The following TAFA5 variants were observed in gnomAD, a reference collection of about 807,000 sequenced individuals.
The protein encoded by TAFA5 is TAFA chemokine like family member 5.
TAFA5 carries 6 observed loss-of-function variants against 15.3 expected under a neutral mutation model. The ratio of observed to expected loss-of-function variants is 0.39; its 90% confidence interval spans 0.21 to 0.77. TAFA5 has a LOEUF of 0.77. TAFA5 is among the 30% of genes least tolerant of loss of function. The pLI is 0.41. For synonymous variants in TAFA5, 103 were observed against 80.7 expected (o/e 1.28, Z -1.48); for missense variants, 161 against 193.1 (o/e 0.83, Z 0.98).
rs189371701 is a variant in TAFA5 at position 48,707,924 on chromosome 22, G to A, written c.390+80G>A. The A allele has an allele frequency of 4.5e-3, 6,956 of 1,533,114 alleles. 52 individuals are homozygous for A. Among genetic ancestry groups the A allele is most frequent in the Non-Finnish European group, 5.3e-3 (5,973 of 1,135,876 alleles). The allele number at this position is 1,533,114 out of a possible 1,614,324, so 95.0% of individuals were successfully genotyped here. On this transcript the variant is annotated intron_variant, in intron 3 of 3. Coordinates refer to ENST00000402357, the MANE Select transcript of TAFA5 (RefSeq NM_001082967.3). ...GGGCCTCCGACGCCACCCGGGCTCC[G>A]CGGGGACAGGTGGCAGCTGCTCACT...
rs565868765 is a variant in TAFA5, at chr22:48,530,330, A to T, written c.112+40626A>T. On this transcript the variant is annotated intron_variant, in intron 1 of 3. Coordinates refer to ENST00000402357, the MANE Select transcript of TAFA5 (RefSeq NM_001082967.3). The surrounding 1 kb of genome is among the most constrained non-coding windows in gnomAD (Gnocchi z 6.0). Reference sequence around the variant, plus strand: ...CTGAAGTGCCTTTCTGAGAAAACACAGAGTGAAGGAACCTCTGGAGGGCAC... The same window carrying T: ...CTGAAGTGCCTTTCTGAGAAAACACTGAGTGAAGGAACCTCTGGAGGGCAC... Among the ~76,000 whole-genome samples, 7 of 152,300 alleles carry T rather than the reference A, an allele frequency of 4.6e-5. No individual in the cohort carries two copies. The South Asian group carries it at 1.5e-3, about 32-fold the overall frequency.
At chr22:48,584,912 AC>A (rs1924281626) in intron 1 of TAFA5, among the ~76,000 whole-genome samples, 2 of 149,218 alleles carry the variant, frequency 1.3e-5, no homozygotes, top group East Asian at 4.0e-4. Flanking sequence ...ACACACACAC[AC>A]CACACACACA....
intron 1 of TAFA5, among the ~76,000 whole-genome samples, chr22:48,610,539 A>T (rs1925363188): frequency 6.6e-6 from 1 of 151,252 alleles, no homozygotes; most frequent in Admixed American, 6.6e-5. Flanking sequence ...GGAGGAGCAG[A>T]GGGGCAGGCT....
At chr22:48,710,382 T>C (rs1043680973) in intron 3 of TAFA5, among the ~76,000 whole-genome samples, 1 of 152,138 alleles carries the variant, frequency 6.6e-6, no homozygotes, top group Non-Finnish European at 1.5e-5. Context: ...CCTCCCTGCC[T>C]CCTGCGTTCA....
Position 48,649,560 on chromosome 22 carries a change from G to C in TAFA5, c.262+2814G>C, listed in dbSNP as rs75809080. On this transcript the variant is annotated intron_variant, in intron 2 of 3. Transcript: ENST00000402357. ...CATCTGATTAAACACCAGGTACGCA[G>C]GGCCTCAGGGCTGCTCAGTGGCTCT... Among the ~76,000 whole-genome samples, 1,349 of 152,260 alleles carry C rather than the reference G, an allele frequency of 8.9e-3. 21 individuals are homozygous for C. The highest frequency in any genetic ancestry group is 0.031 in the African/African-American group (1,288 of 41,534).
intron 1 of TAFA5, among the ~76,000 whole-genome samples, chr22:48,525,180 C>T (rs1431911060): frequency 6.6e-6 from 1 of 152,166 alleles, no homozygotes; most frequent in African/African-American, 2.4e-5. Flanking sequence ...CGTCCCTTTG[C>T]CATGTAGGGT....
intron 1 of TAFA5, among the ~76,000 whole-genome samples, chr22:48,509,558 C>T (rs1025836037): frequency 5.3e-5 from 8 of 152,144 alleles, no homozygotes; most frequent in African/African-American, 1.9e-4. Context: ...ATTTGCATTT[C>T]TCTGGTGATT....
At chr22:48,527,140 A>C (rs1489213892) in intron 1 of TAFA5, among the ~76,000 whole-genome samples, 2 of 152,228 alleles carry the variant, frequency 1.3e-5, no homozygotes, top group Non-Finnish European at 2.9e-5. Context: ...CCCCTGGGCC[A>C]ATTGACCAGG....
chr22:48,680,544 A>G (rs1569076637), intron 2 of TAFA5, among the ~76,000 whole-genome samples: 1 of 152,042 alleles, frequency 6.6e-6, no homozygotes, highest in Non-Finnish European at 1.5e-5. Context: ...CCACAAACAC[A>G]GAGGATGGGG....
chr22:48,649,275 CCTGT>C (rs1250168650), intron 2 of TAFA5, among the ~76,000 whole-genome samples: 4 of 152,198 alleles, frequency 2.6e-5, no homozygotes, highest in Non-Finnish European at 4.4e-5. Context: ...AGCTGAGCCA[CCTGT>C]CTATCTTCCC....
intron 1 of TAFA5, among the ~76,000 whole-genome samples, chr22:48,534,392 G>C (rs947867481): frequency 6.6e-6 from 1 of 152,086 alleles, no homozygotes; most frequent in South Asian, 2.1e-4. Flanking sequence ...GCGTTCCTCC[G>C]GGGGTCTGCA....
chr22:48,747,141 T>G (rs2066775715), intron 3 of TAFA5, among the ~76,000 whole-genome samples: 1 of 152,224 alleles, frequency 6.6e-6, no homozygotes, highest in South Asian at 2.1e-4. Context: ...TAATGCACTT[T>G]GCTGCTCAGC....
At chr22:48,569,724 G>A (rs957117978) in intron 1 of TAFA5, among the ~76,000 whole-genome samples, 8 of 152,212 alleles carry the variant, frequency 5.3e-5, no homozygotes, top group Non-Finnish European at 8.8e-5. Context: ...CCTGACCCAC[G>A]TGCATCCCGG....
intron 2 of TAFA5, among the ~76,000 whole-genome samples, chr22:48,661,106 T>C (rs1457595446): frequency 6.6e-6 from 1 of 152,174 alleles, no homozygotes; most frequent in Non-Finnish European, 1.5e-5. Context: ...GAGCAAATCA[T>C]GAGAGCACGT....
chr22:48,720,151 G>A (rs571101741), intron 3 of TAFA5, among the ~76,000 whole-genome samples: 1 of 152,292 alleles, frequency 6.6e-6, no homozygotes, highest in Admixed American at 6.5e-5. Flanking sequence ...AAACCCAGTG[G>A]GTGTGGCGGG....
intron 2 of TAFA5, among the ~76,000 whole-genome samples, chr22:48,656,337 C>T (rs1267002116): frequency 3.3e-5 from 5 of 151,912 alleles, no homozygotes; most frequent in Admixed American, 3.3e-4. Context: ...AGCCCCGTCT[C>T]TACTAAAAAA....
rs1920975302 is a variant in TAFA5 at position 48,504,564 on chromosome 22, C to T, written c.112+14860C>T. On this transcript the variant is annotated intron_variant, in intron 1 of 3. Transcript: ENST00000402357. The stretch of plus-strand genomic sequence containing the variant: ...CGTTTCCCACATGCTGTCAGACTGG[C>T]TCAGCTTTATCATTTGGGGGGAAGG... Among the ~76,000 whole-genome samples the T allele has an allele frequency of 2.0e-5, 3 of 152,074 alleles. No homozygotes were observed. In the South Asian group the frequency reaches 6.2e-4, roughly 31 times the overall value.
chr22:48,611,586 C>T (rs1462946494), intron 1 of TAFA5, among the ~76,000 whole-genome samples: 1 of 152,110 alleles, frequency 6.6e-6, no homozygotes, highest in South Asian at 2.1e-4. Flanking sequence ...GTTTACCCTC[C>T]GTGTCCTGCC....
rs190676558 is a variant in TAFA5 at position 48,538,941 on chromosome 22, G to T, written c.112+49237G>T. 189 of 165,084 alleles carry T rather than the reference G, an allele frequency of 1.1e-3. 1 individual carries two copies. Among genetic ancestry groups the T allele is most frequent in the Admixed American group, 6.7e-3 (117 of 17,392 alleles). 10.2% of individuals were successfully genotyped at this position (165,084 alleles called of 1,614,324 possible). A position where few individuals can be genotyped will look rare whatever the true frequency, so the allele number is the denominator to read the frequency against. On this transcript the variant is annotated intron_variant, in intron 1 of 3. Coordinates refer to ENST00000402357, the MANE Select transcript of TAFA5 (RefSeq NM_001082967.3). ...ATTTTACTGTGACTTTTCAGTTTGT[G>T]TTTTATAAAGTGTGCAATAGACTTA... is the stretch of plus-strand genomic sequence containing the variant.
Sources: allele counts gnomAD v4.1 joint callset (sites outside exome capture counted in the v4.1 genomes callset), GRCh38; gene constraint gnomAD v4.1.1; non-coding constraint Gnocchi (gnomAD v3.1); transcripts MANE v1.5; gene names NCBI Gene and HGNC (gene_info 2026-07-23, HGNC 2026-07-21).